The following BACE2 variants were observed in gnomAD, a reference collection of about 807,000 sequenced individuals.
BACE2 encodes beta-secretase 2, also known as 56 kDa aspartic-like protease.
BACE2 carries 17 observed loss-of-function variants against 46.2 expected under a neutral mutation model. The ratio of observed to expected loss-of-function variants is 0.37; its 90% CI spans 0.25 to 0.55. BACE2 has a LOEUF of 0.55. Ranked by LOEUF, BACE2 falls within the 20% of genes least tolerant of loss-of-function variation. The pLI is 0.82. For missense variants in BACE2, 595 were observed against 698.1 expected (o/e 0.85, Z 1.66); for synonymous variants, 277 against 295.9 (o/e 0.94, Z 0.66).
intron 6 of BACE2, among the ~76,000 whole-genome samples, chr21:41,246,985 A>C (rs1987488399): frequency 6.6e-6 from 1 of 152,120 alleles, no homozygotes; most frequent in South Asian, 2.1e-4. Context: ...GAGGAACATG[A>C]CTTTTGGCTG....
At chr21:41,202,013 G>A (rs1985981620) in intron 1 of BACE2, among the ~76,000 whole-genome samples, 1 of 152,194 alleles carries the variant, frequency 6.6e-6, no homozygotes, top group African/African-American at 2.4e-5. Context: ...AATATTAAGT[G>A]CAAATCCCAT....
At position 41,266,798 on chromosome 21, in the gene BACE2, T is replaced by C. The variant is rs181209655; in HGVS notation, c.1304-8573T>C. On this transcript the variant is annotated intron_variant, in intron 8 of 8. Coordinates refer to ENST00000330333, the MANE Select transcript of BACE2 (RefSeq NM_012105.5). Reference sequence around the variant, plus strand: ...TTAGGGCCCATTTCTGGTTGAGGAATGTCTCTTACTTCTGGACTCAGCTAT... The same window carrying C: ...TTAGGGCCCATTTCTGGTTGAGGAACGTCTCTTACTTCTGGACTCAGCTAT... 1.8e-4 allele frequency among the ~76,000 whole-genome samples: 28 copies of C among 152,352 alleles called. No homozygotes were observed. In the East Asian group the frequency reaches 3.7e-3, roughly 20 times the overall value.
chr21:41,179,599 G>A (rs1198468041), intron 1 of BACE2: 2 of 1,367,268 alleles, frequency 1.5e-6, no homozygotes, highest in South Asian at 1.1e-5. Flanking sequence ...GGAGGTGTTT[G>A]CAGTGCTTCA....
intron 1 of BACE2, among the ~76,000 whole-genome samples, chr21:41,209,623 A>G (rs1347265683): frequency 6.6e-6 from 1 of 152,220 alleles, no homozygotes; most frequent in Non-Finnish European, 1.5e-5. Context: ...ACAAGGCACG[A>G]TGCTCAGAGC....
intron 1 of BACE2, among the ~76,000 whole-genome samples, chr21:41,199,700 G>A (rs1568865006): frequency 6.6e-6 from 1 of 152,056 alleles, no homozygotes; most frequent in Non-Finnish European, 1.5e-5. Flanking sequence ...GCCGGGCTTC[G>A]ATTCCCTCCG....
Position 41,183,487 on chromosome 21 carries a change from G to A in BACE2, c.312+14912G>A, listed in dbSNP as rs890895351. 2.4e-5 allele frequency: 4 copies of A among 166,692 alleles called. No individual in the cohort carries two copies. In the East Asian group the frequency reaches 7.7e-4, roughly 32 times the overall value. 10.3% of individuals were successfully genotyped at this position (166,692 alleles called of 1,614,324 possible). On this transcript the variant is annotated intron_variant, in intron 1 of 8. Transcript: ENST00000330333. Reference sequence around the variant, plus strand: ...CTGGATTCAAGTTATTTACAGAACTGGGACCCATCTACCTGGCCAAATTTT... The same window carrying A: ...CTGGATTCAAGTTATTTACAGAACTAGGACCCATCTACCTGGCCAAATTTT...
At chr21:41,191,429 G>A (rs1318810718) in intron 1 of BACE2, among the ~76,000 whole-genome samples, 1 of 152,200 alleles carries the variant, frequency 6.6e-6, no homozygotes, top group Non-Finnish European at 1.5e-5. Flanking sequence ...ACCCACGGAT[G>A]GTAGTCTTGG....
Position 41,213,578 on chromosome 21 carries a change from G to T in BACE2, c.313-12688G>T, listed in dbSNP as rs370194533. Among the ~76,000 whole-genome samples the T allele has an allele frequency of 3.0e-3, 457 of 152,264 alleles. 4 individuals carry two copies. Among genetic ancestry groups the T allele is most frequent in the African/African-American group, 0.01 (429 of 41,558 alleles). On this transcript the variant is annotated intron_variant, in intron 1 of 8. Transcript: ENST00000330333. ...TCACCAGGTCAGGAGTTTGAGACCA[G>T]CCTGAACAACATGGTGAAACCCCGT...
chr21:41,262,730 T>C (rs1486555828), intron 8 of BACE2, among the ~76,000 whole-genome samples: 5 of 151,948 alleles, frequency 3.3e-5, no homozygotes, highest in Non-Finnish European at 7.4e-5. Context: ...GATTCACACA[T>C]AGACTTATTC....
rs1333671222 is a variant in BACE2 at position 41,219,942 on chromosome 21, C to T, written c.313-6324C>T. ...TCCTACACTGTCTGCCTGGGGATGG[C>T]GTGGGACCCCAGAGTGAGGGCCCAG... On this transcript the variant is annotated intron_variant, in intron 1 of 8. Transcript: ENST00000330333. Among the ~76,000 whole-genome samples the T allele has an allele frequency of 3.9e-5, 6 of 152,188 alleles. 1 individual carries two copies. The highest frequency in any genetic ancestry group is 8.8e-5 in the Non-Finnish European group (6 of 68,038).
chr21:41,262,603 T>C (rs1987968862), intron 8 of BACE2, among the ~76,000 whole-genome samples: 1 of 152,162 alleles, frequency 6.6e-6, no homozygotes, highest in African/African-American at 2.4e-5. Context: ...AGAATTAACT[T>C]GAGAAGAAAC....
At chr21:41,250,704 G>C (rs369699151) in intron 6 of BACE2, 48 bp from the exon 7 acceptor site, 241 of 1,593,932 alleles carry the variant, frequency 1.5e-4, no homozygotes, top group Admixed American at 4.5e-4. Context: ...GTTTCCTGTT[G>C]ACGTGCCAGA....
intron 1 of BACE2, among the ~76,000 whole-genome samples, chr21:41,187,380 G>C (rs1985416851): frequency 6.6e-6 from 1 of 152,208 alleles, no homozygotes; most frequent in Non-Finnish European, 1.5e-5. Flanking sequence ...GAAGGGTGTG[G>C]CTGGCAGTTT....
At chr21:41,200,414 C>T (rs1019146080) in intron 1 of BACE2, among the ~76,000 whole-genome samples, 3 of 152,120 alleles carry the variant, frequency 2.0e-5, no homozygotes, top group African/African-American at 4.8e-5. Flanking sequence ...AGAAGCCAAG[C>T]GAATGTGGAC....
chr21:41,171,156 A>G (rs965263053), intron 1 of BACE2, among the ~76,000 whole-genome samples: 1 of 152,196 alleles, frequency 6.6e-6, no homozygotes, highest in Non-Finnish European at 1.5e-5. Context: ...GTACACCCCA[A>G]GGTGTTAGGG....
chr21:41,226,987 A>G (rs905487947), intron 2 of BACE2, among the ~76,000 whole-genome samples: 4 of 152,224 alleles, frequency 2.6e-5, no homozygotes, highest in African/African-American at 9.6e-5. Flanking sequence ...CTGGAATAGA[A>G]CAAGCCTTGC....
chr21:41,214,816 G>A (rs73902957), intron 1 of BACE2, among the ~76,000 whole-genome samples: 3 of 152,326 alleles, frequency 2.0e-5, no homozygotes, highest in East Asian at 1.9e-4. Flanking sequence ...CATGGAGGGC[G>A]CACTGTGCTG....
chr21:41,246,969 A>G (rs1285793371), intron 6 of BACE2, among the ~76,000 whole-genome samples: 8 of 152,162 alleles, frequency 5.3e-5, no homozygotes, highest in Non-Finnish European at 1.5e-5. Context: ...ATTTGTTCAG[A>G]TGCGAGAGGA....
intron 1 of BACE2, among the ~76,000 whole-genome samples, chr21:41,205,883 G>A (rs1019000121): frequency 6.6e-6 from 1 of 152,112 alleles, no homozygotes; most frequent in Admixed American, 6.6e-5. Context: ...GCACATAGTA[G>A]CTGCTCACTT....
Sources: gnomAD v4.1 joint callset for allele counts (sites outside exome capture counted in the v4.1 genomes callset) on GRCh38, gnomAD v4.1.1 for gene constraint, MANE v1.5 for transcripts, NCBI Gene and HGNC (gene_info 2026-07-23, HGNC 2026-07-21) for gene names.